NKAIN2: variants seen among roughly 807,000 people sequenced by gnomAD.
The protein encoded by NKAIN2 is sodium/potassium transporting ATPase interacting 2.
In NKAIN2, 14 loss-of-function variants were observed where a neutral mutation model predicts 32.6. The ratio of observed to expected loss-of-function variants is 0.43; its 90% CI spans 0.28 to 0.67. NKAIN2 has a LOEUF of 0.67. Ranked by LOEUF, NKAIN2 falls within the 30% of genes least tolerant of loss-of-function variation. The probability of loss-of-function intolerance (pLI) is 0.17; values close to 1 mark genes in which losing one functional copy is unlikely to be tolerated. For missense variants in NKAIN2, 198 were observed against 258.3 expected (o/e 0.77, Z 1.60); for synonymous variants, 80 against 87.2 (o/e 0.92, Z 0.46).
At chr6:124,004,569 C>A (rs1779999451) in intron 1 of NKAIN2, among the ~76,000 whole-genome samples, 1 of 151,682 alleles carries the variant, frequency 6.6e-6, no homozygotes, top group Non-Finnish European at 1.5e-5. Flanking sequence ...ATGATGGTTT[C>A]CAGTTTCATC....
At chr6:123,993,649 A>T (rs549782906) in intron 1 of NKAIN2, among the ~76,000 whole-genome samples, 3 of 152,304 alleles carry the variant, frequency 2.0e-5, no homozygotes, top group African/African-American at 7.2e-5. Context: ...TTCTAGGGTG[A>T]TCCATATCCA....
chr6:124,135,740 TATAAATATATGAAAATTAA>T, intron 1 of NKAIN2, among the ~76,000 whole-genome samples: 1 of 152,146 alleles, frequency 6.6e-6, no homozygotes, highest in East Asian at 1.9e-4. Context: ...CTCAAACCTA[TATAAATATATGAAAATTAA>T]ATAAACTGCT....
chr6:124,466,470 A>T (rs969589249), intron 3 of NKAIN2, among the ~76,000 whole-genome samples: 1 of 152,172 alleles, frequency 6.6e-6, no homozygotes, highest in African/African-American at 2.4e-5. Flanking sequence ...GGGACAGGTT[A>T]ATCTTCTTTT....
At chr6:124,347,153 A>C (rs1341611010) in intron 2 of NKAIN2, among the ~76,000 whole-genome samples, 4 of 152,164 alleles carry the variant, frequency 2.6e-5, no homozygotes, top group Non-Finnish European at 5.9e-5. Flanking sequence ...AAGAATGTTG[A>C]ATATTGGCCC....
At chr6:124,243,308 A>C (rs886939117) in intron 1 of NKAIN2, among the ~76,000 whole-genome samples, 1 of 152,032 alleles carries the variant, frequency 6.6e-6, no homozygotes, top group African/African-American at 2.4e-5. Context: ...CACTCTGTCC[A>C]ACCTAAGAAA....
chr6:123,933,938 G>C (rs1776385549), intron 1 of NKAIN2, among the ~76,000 whole-genome samples: 1 of 152,186 alleles, frequency 6.6e-6, no homozygotes, highest in Non-Finnish European at 1.5e-5. Flanking sequence ...AGCTACAGGA[G>C]AGTATTAAGC....
chr6:124,293,336 AT>A, intron 2 of NKAIN2, among the ~76,000 whole-genome samples: 1 of 152,070 alleles, frequency 6.6e-6, no homozygotes, highest in Non-Finnish European at 1.5e-5. Context: ...TGATTGCTAT[AT>A]TCAACTTTTA....
intron 2 of NKAIN2, among the ~76,000 whole-genome samples, chr6:124,309,736 G>C (rs1796643295): frequency 6.6e-6 from 1 of 152,066 alleles, no homozygotes; most frequent in Non-Finnish European, 1.5e-5. Context: ...ATTCATTTCA[G>C]TCACAACAGT....
At chr6:124,220,570 A>T (rs949902919) in intron 1 of NKAIN2, among the ~76,000 whole-genome samples, 2 of 150,908 alleles carry the variant, frequency 1.3e-5, no homozygotes, top group Non-Finnish European at 2.9e-5. Flanking sequence ...CTTTGTGTAC[A>T]TCTTAAATTT....
chr6:124,248,145 A>C (rs935829452), intron 1 of NKAIN2, among the ~76,000 whole-genome samples: 1 of 152,114 alleles, frequency 6.6e-6, no homozygotes, highest in South Asian at 2.1e-4. Context: ...ATGTCAATAA[A>C]ATTTTAATAA....
At chr6:124,456,090 C>G (rs1433671634) in intron 3 of NKAIN2, among the ~76,000 whole-genome samples, 1 of 151,598 alleles carries the variant, frequency 6.6e-6, no homozygotes, top group Non-Finnish European at 1.5e-5. Flanking sequence ...CACATCACAC[C>G]CAGACCTATA....
At chr6:124,237,253 C>T (rs151201987) in intron 1 of NKAIN2, among the ~76,000 whole-genome samples, 17 of 152,234 alleles carry the variant, frequency 1.1e-4, no homozygotes, top group Non-Finnish European at 2.1e-4. Flanking sequence ...TTGCATATAA[C>T]TGGCAACGTG....
In NKAIN2 at chr6:124,714,394, T is replaced by C. The variant is rs150428636; in HGVS notation, c.474+56008T>C. ...GACACTTGCTAATTATTTTCAAGGT[T>C]CCAATAAATGTGATGGCAATTAATT... On this transcript the variant is annotated intron_variant, in intron 4 of 6. Coordinates refer to ENST00000368417, the MANE Select transcript of NKAIN2 (RefSeq NM_001040214.3). 4.5e-4 allele frequency among the ~76,000 whole-genome samples: 69 copies of C among 152,360 alleles called. 1 individual carries two copies. Among genetic ancestry groups the C allele is most frequent in the African/African-American group, 1.5e-3 (62 of 41,596 alleles).
chr6:123,826,826 A>C (rs546801463), intron 1 of NKAIN2, among the ~76,000 whole-genome samples: 1 of 152,272 alleles, frequency 6.6e-6, no homozygotes, highest in South Asian at 2.1e-4. Flanking sequence ...TATCTGTTCA[A>C]GTTCCTGCTT....
At chr6:124,433,216 C>T (rs1163047134) in intron 3 of NKAIN2, among the ~76,000 whole-genome samples, 1 of 152,146 alleles carries the variant, frequency 6.6e-6, no homozygotes, top group Non-Finnish European at 1.5e-5. Context: ...CCACTTTTTC[C>T]ACTTGCTTGT....
At chr6:124,412,527 C>T (rs537641545) in intron 3 of NKAIN2, among the ~76,000 whole-genome samples, 2 of 152,260 alleles carry the variant, frequency 1.3e-5, no homozygotes, top group East Asian at 1.9e-4. Context: ...CTGATTGTTC[C>T]TCTGGAAGTT....
intron 1 of NKAIN2, among the ~76,000 whole-genome samples, chr6:124,120,848 A>G (rs1785844172): frequency 6.6e-6 from 1 of 152,128 alleles, no homozygotes; most frequent in Non-Finnish European, 1.5e-5. Context: ...AGATTCACCA[A>G]TTTATAAGAT....
intron 3 of NKAIN2, among the ~76,000 whole-genome samples, chr6:124,525,485 T>C (rs1452515969): frequency 6.6e-6 from 1 of 152,130 alleles, no homozygotes; most frequent in Non-Finnish European, 1.5e-5. Context: ...AATTTAATGA[T>C]TCTAACAAAT....
intron 3 of NKAIN2, among the ~76,000 whole-genome samples, chr6:124,579,204 C>T (rs548268678): frequency 8.5e-5 from 13 of 152,278 alleles, no homozygotes; most frequent in African/African-American, 2.9e-4. Flanking sequence ...CACTGGAGAA[C>T]ATCCACAAGC....
Sources: gnomAD v4.1 joint callset for allele counts (sites outside exome capture counted in the v4.1 genomes callset) on GRCh38, gnomAD v4.1.1 for gene constraint, MANE v1.5 for transcripts, NCBI Gene and HGNC (gene_info 2026-07-23, HGNC 2026-07-21) for gene names.